Variants in ERBB3 observed in about 807,000 individuals in gnomAD.
ERBB3 encodes the protein receptor tyrosine-protein kinase erbB-3.
In ERBB3, 96 loss-of-function variants were observed where a neutral mutation model predicts 156.7. That is an observed-to-expected ratio of 0.61 (90% CI 0.52 to 0.73). The LOEUF is 0.73. ERBB3 is among the 30% of genes least tolerant of loss of function. ERBB3 has a pLI of 0.00. For synonymous variants in ERBB3, 567 were observed against 632.0 expected (o/e 0.90, Z 1.54); for missense variants, 1,406 against 1,709.4 (o/e 0.82, Z 3.13).
At chr12:56,091,290 ATATATAAATAATATATATAAATAT>A (rs1868682511) in intron 9 of ERBB3, among the ~76,000 whole-genome samples, 1 of 59,686 alleles carries the variant, frequency 1.7e-5, no homozygotes, top group Non-Finnish European at 3.7e-5. Flanking sequence ...ATATATATAT[ATATATAAATAATATATATAAATAT>A]AAATATATAT....
chr12:56,096,064 A>G, intron 17 of ERBB3: 1 of 568,788 alleles, frequency 1.8e-6, no homozygotes, highest in Non-Finnish European at 3.1e-6. Context: ...CATGACTTTG[A>G]AGAAGTTACT....
rs767787815 is a variant in ERBB3 at position 56,103,447 on chromosome 12, T to C, written c.*1392T>C. The C allele has an allele frequency of 4.4e-5, 9 of 206,638 alleles. No homozygotes were observed. The highest frequency in any genetic ancestry group is 8.9e-5 in the Non-Finnish European group (9 of 101,272). The allele number at this position is 206,638 out of a possible 1,614,324, so 12.8% of individuals were successfully genotyped here. ...TAAGGGAAAACGTCTGTTGTATCAC[T>C]GAAGTTTTTTGTTTTGTTTTTATAC... On this transcript the variant is annotated 3_prime_UTR_variant, in exon 28 of 28. Transcript: ENST00000267101.
At chr12:56,093,144 TA>T in intron 11 of ERBB3, 68 bp downstream of exon 11, 5 of 1,322,526 alleles carry the variant, frequency 3.8e-6, no homozygotes, top group Non-Finnish European at 5.5e-6. Context: ...CATTCTTTAG[TA>T]AAATACAAGG....
intron 10 of ERBB3, 56 bp downstream of exon 10, chr12:56,092,876 T>C: frequency 1.9e-6 from 3 of 1,568,466 alleles, no homozygotes; most frequent in African/African-American, 2.7e-5. Context: ...CTGGCATAAA[T>C]TGCGGTATAA....
chr12:56,091,664 G>A (rs1250512343), intron 9 of ERBB3, among the ~76,000 whole-genome samples: 1 of 151,932 alleles, frequency 6.6e-6, no homozygotes, highest in African/African-American at 2.4e-5. Flanking sequence ...CACAGAGGCT[G>A]TGAGCTCAGG....
chr12:56,087,937 G>A (rs757654877), intron 6 of ERBB3, 24 bp downstream of exon 6: 4 of 1,613,524 alleles, frequency 2.5e-6, no homozygotes, highest in African/African-American at 2.7e-5. Context: ...CCATTGCCTG[G>A]GTTCTGAAAT....
intron 22 of ERBB3, 88 bp downstream of exon 22, chr12:56,098,663 T>C: frequency 6.3e-7 from 1 of 1,577,430 alleles, no homozygotes. Flanking sequence ...CTCTAAGCAC[T>C]TCAGATTTTT....
intron 4 of ERBB3, 151 bp from the exon 5 acceptor site, chr12:56,087,426 C>G (rs1397025711): frequency 3.3e-5 from 25 of 752,954 alleles, no homozygotes; most frequent in Non-Finnish European, 4.6e-5. Context: ...CACTTGAGCC[C>G]AGCCCTGCTC....
rs2136817295 is a variant in ERBB3, at chr12:56,096,600, G to A, written c.2153G>A (p.Gly718Asp). 6.2e-7 allele frequency: 1 copy of A among 1,614,206 alleles called. No homozygotes were observed. The highest frequency in any genetic ancestry group is 8.5e-7 in the Non-Finnish European group (1 of 1,180,022). Reference sequence around the variant, plus strand: ...AGGAAGCTTAAAGTGCTTGGCTCGGGTGTCTTTGGAACTGTGCACAAAGTG... The same window carrying A: ...AGGAAGCTTAAAGTGCTTGGCTCGGATGTCTTTGGAACTGTGCACAAAGTG... Reference protein sequence around the residue: ...ELRKLKVLGSGVFGTVHKGVW... With the variant: ...ELRKLKVLGSDVFGTVHKGVW... The change falls in exon 18 of 28, where the codon GGT (glycine) becomes GAT (aspartate). Residue 718 changes from glycine (G) to aspartate (D), a missense_variant. Gly to Asp is a moderately conservative substitution (Grantham distance 94, BLOSUM62 -1). Transcript: ENST00000267101.
rs1868893161 is a variant in ERBB3 at position 56,096,515 on chromosome 12, C to T, written c.2068C>T (p.Leu690=). ...YLERGESIEP[L]DPSEKANKVL... is the part of the protein sequence containing the mutation. Reference sequence around the variant, plus strand: ...ATTTGCTCCTCAGAGCATAGAGCCTCTGGACCCCAGTGAGAAGGCTAACAA... The same window carrying T: ...ATTTGCTCCTCAGAGCATAGAGCCTTTGGACCCCAGTGAGAAGGCTAACAA... Residue 690 remains leucine (L), a synonymous_variant, in exon 18 of 28, where the codon CTG becomes TTG. Transcript: ENST00000267101. 6.2e-7 allele frequency: 1 copy of T among 1,614,174 alleles called. No individual in the cohort carries two copies. The highest frequency in any genetic ancestry group is 8.5e-7 in the Non-Finnish European group (1 of 1,180,034).
At position 56,100,019 on chromosome 12, in the gene ERBB3, G is replaced by C; in HGVS notation, c.3119G>C (p.Arg1040Pro). The C allele has an allele frequency of 6.2e-7, 1 of 1,614,166 alleles. No homozygotes were observed. Among genetic ancestry groups the C allele is most frequent in the Non-Finnish European group, 8.5e-7 (1 of 1,180,018 alleles). ...ALSLPVGTLN[R>P]PRGSQSLLSP... ...AGCCTACCAGTTGGAACACTTAATC[G>C]GCCACGTGGGGTAAGACAACTTCTA... is the stretch of plus-strand genomic sequence containing the variant. Residue 1040 changes from arginine to proline, a missense_variant, in exon 25 of 28, where the codon CGG becomes CCG. Arg to Pro is a moderately radical substitution (Grantham distance 103). Around this residue, in one of 3 missense-constraint regions of ERBB3, gnomAD observed 415 missense variants for 454.1 expected, o/e 0.91. Transcript: ENST00000267101.
At position 56,088,477 on chromosome 12, in the gene ERBB3, G is replaced by A. The variant is rs902305152; in HGVS notation, c.875-66G>A. On this transcript the variant is annotated intron_variant, in intron 7 of 27. Transcript: ENST00000267101. ...TGGAGGGAGCCTAGGCCCAGAGCAAGGGTTCCATTGGTAGCTGGTGATGTT... is the reference window on the plus strand; with the variant it reads ...TGGAGGGAGCCTAGGCCCAGAGCAAAGGTTCCATTGGTAGCTGGTGATGTT... The A allele has an allele frequency of 8.0e-6, 10 of 1,249,134 alleles. No individual in the cohort carries two copies. In the African/African-American group the frequency reaches 1.5e-4, roughly 18 times the overall value. The allele number at this position is 1,249,134 out of a possible 1,614,324, so 77.4% of individuals were successfully genotyped here.
chr12:56,086,435 C>A, intron 3 of ERBB3, 96 bp from the exon 4 acceptor site: 1 of 1,456,600 alleles, frequency 6.9e-7, no homozygotes, highest in Non-Finnish European at 9.6e-7. Flanking sequence ...CATTCTCCCA[C>A]TCCTGAGTCT....
chr12:56,093,948 G>T, intron 13 of ERBB3, 52 bp downstream of exon 13: 1 of 1,610,200 alleles, frequency 6.2e-7, no homozygotes, highest in Non-Finnish European at 8.5e-7. Context: ...CCCTGCAATG[G>T]AACTGTTCAG....
chr12:56,102,108 G>GTTTA lies in ERBB3; in HGVS notation c.*53_*54insTTTA. On this transcript the variant is annotated 3_prime_UTR_variant, in exon 28 of 28. Transcript: ENST00000267101. ...CATTTAATGGCAGCTAGTGCCTTTA[G>GTTTA]AGGGTACCGTCTTCTCCCTATTCCC... The GTTTA allele has an allele frequency of 6.6e-7, 1 of 1,508,648 alleles. No individual in the cohort carries two copies. The highest frequency in any genetic ancestry group is 9.1e-7 in the Non-Finnish European group (1 of 1,096,718). The allele number at this position is 1,508,648 out of a possible 1,614,324, so 93.5% of individuals were successfully genotyped here.
upstream of ERBB3, chr12:56,080,128 T>A: frequency 3.1e-6 from 2 of 653,044 alleles, no homozygotes; most frequent in Non-Finnish European, 5.6e-6. Context: ...ACCCCTCCCC[T>A]GCCATCCCTC....
rs1391425493 is a variant in ERBB3, at chr12:56,085,050, T to C, written c.290T>C (p.Leu97Pro). 1 of 1,614,140 alleles carries C rather than the reference T, an allele frequency of 6.2e-7. No homozygotes were observed. Among genetic ancestry groups the C allele is most frequent in the Non-Finnish European group, 8.5e-7 (1 of 1,180,020 alleles). ...VLVAMNEFST[L>P]PLPNLRVVRG... ...GTGGCCATGAATGAATTCTCTACTC[T>C]ACCATTGCCCAACCTCCGCGTGGTG... Residue 97 changes from leucine (L) to proline (P), a missense_variant, in exon 3 of 28, where the codon CTA becomes CCA. Leu to Pro is a moderately conservative substitution (Grantham distance 98, BLOSUM62 -3). This residue lies in a region of ERBB3 where 979 missense variants were observed against 1,219.6 expected (regional missense o/e 0.80). Coordinates refer to ENST00000267101, the MANE Select transcript of ERBB3 (RefSeq NM_001982.4).
At chr12:56,100,815 C>CTGTA (rs1869066192) in intron 26 of ERBB3, among the ~76,000 whole-genome samples, 1 of 151,408 alleles carries the variant, frequency 6.6e-6, no homozygotes, top group Admixed American at 6.6e-5. Context: ...TGGCAGGTGC[C>CTGTA]TGTAATCCCA....
intron 1 of ERBB3, among the ~76,000 whole-genome samples, chr12:56,081,546 G>C (rs958318188): frequency 6.6e-6 from 1 of 152,174 alleles, no homozygotes; most frequent in African/African-American, 2.4e-5. Context: ...GGTGGAGGGG[G>C]GTGGTCTGGG....
Sources: gnomAD v4.1 joint callset for allele counts (sites outside exome capture counted in the v4.1 genomes callset) on GRCh38, gnomAD v4.1.1 for gene constraint, gnomAD v4.1.1 regional missense constraint, MANE v1.5 for transcripts, NCBI Gene and HGNC (gene_info 2026-07-23, HGNC 2026-07-21) for gene names.